Variants in RFX3 observed in about 807,000 individuals in gnomAD.
RFX3 encodes the protein regulatory factor X3, also known as transcription factor RFX3.
A neutral mutation model predicts 98.6 loss-of-function variants in RFX3; 14 were observed. The ratio of observed to expected loss-of-function variants is 0.14; its 90% CI spans 0.09 to 0.22. The LOEUF (loss-of-function observed/expected upper bound fraction) is 0.22, where lower values mean the gene tolerates loss of function less well. RFX3 is among the 10% of genes least tolerant of loss of function. The pLI, the probability that RFX3 is intolerant of heterozygous loss-of-function variation, is 1.00. For synonymous variants in RFX3, 383 were observed against 328.4 expected, an observed-to-expected ratio of 1.17 and a Z score of -1.80; for missense variants, 639 against 926.9, an observed-to-expected ratio of 0.69 and a Z score of 4.03.
intron 1 of RFX3, among the ~76,000 whole-genome samples, chr9:3,436,944 ATT>A (rs199537724): frequency 0.01 from 1,535 of 151,330 alleles, 5 homozygotes; most frequent in Middle Eastern, 0.031. Context: ...CTTCCTATTA[ATT>A]TTTTTAAAAA....
intron 13 of RFX3, among the ~76,000 whole-genome samples, chr9:3,261,335 T>G (rs1822864417): frequency 6.6e-6 from 1 of 152,094 alleles, no homozygotes. Flanking sequence ...TAACTACCAA[T>G]CTACCTTCTG....
chr9:3,345,933 T>C (rs1834399068), intron 3 of RFX3, among the ~76,000 whole-genome samples: 1 of 152,108 alleles, frequency 6.6e-6, no homozygotes, highest in Non-Finnish European at 1.5e-5. Flanking sequence ...CCAACACTGA[T>C]GGGAGGTGGG....
At chr9:3,504,717 A>G (rs189813884) in intron 1 of RFX3, among the ~76,000 whole-genome samples, 3 of 113,814 alleles carry the variant, frequency 2.6e-5, no homozygotes, top group Admixed American at 1.2e-4. Flanking sequence ...TTGTATATAA[A>G]ATATATATTA....
At chr9:3,519,711 T>C (rs1443380882) in intron 1 of RFX3, among the ~76,000 whole-genome samples, 3 of 152,162 alleles carry the variant, frequency 2.0e-5, no homozygotes, top group Non-Finnish European at 4.4e-5. Context: ...TATTCACCAG[T>C]ATACTTATTC....
chr9:3,454,876 T>C (rs557321948), intron 1 of RFX3, among the ~76,000 whole-genome samples: 1 of 152,298 alleles, frequency 6.6e-6, no homozygotes, highest in South Asian at 2.1e-4. Context: ...AATAACGTGA[T>C]TTACACAAGG....
At chr9:3,313,441 C>G (rs1586997466) in intron 4 of RFX3, among the ~76,000 whole-genome samples, 2 of 152,314 alleles carry the variant, frequency 1.3e-5, no homozygotes, top group African/African-American at 4.8e-5. Context: ...GCTGAAAATT[C>G]TAAAAATCAA....
intron 14 of RFX3, among the ~76,000 whole-genome samples, chr9:3,250,921 G>C (rs888423987): frequency 1.3e-5 from 2 of 152,002 alleles, no homozygotes; most frequent in Admixed American, 6.6e-5. Flanking sequence ...TATTAGCATT[G>C]AGATCACACA....
chr9:3,506,587 G>A lies in RFX3; in HGVS notation c.-9+19160C>T, dbSNP rs557729816. Among the ~76,000 whole-genome samples, 19 of 151,974 alleles carry A rather than the reference G, an allele frequency of 1.3e-4. No homozygotes were observed. The South Asian group carries it at 3.9e-3, about 32-fold the overall frequency. ...AGAAATAAGGTATAGAATCCTTAAA[G>A]GCATTCCCCAACTTCTGAAAGTAAG... On this transcript the variant is annotated intron_variant, in intron 1 of 16. Coordinates refer to ENST00000617270, the MANE Select transcript of RFX3 (RefSeq NM_001282116.2).
rs61209874 is a variant in RFX3 at position 3,423,778 on chromosome 9, C to CATATATATATATATATAT, written c.-8-28200_-8-28183dup. ...TTTCATTTTATGTATTATATATTTT[C>CATATATATATATATATAT]ATATATATATATATATATATATATA... On this transcript the variant is annotated intron_variant, in intron 1 of 16. Coordinates refer to ENST00000617270, the MANE Select transcript of RFX3 (RefSeq NM_001282116.2). Among the ~76,000 whole-genome samples the CATATATATATATATATAT allele has an allele frequency of 2.3e-4, 25 of 111,044 alleles. 1 individual carries two copies. The highest frequency in any genetic ancestry group is 1.2e-3 in the East Asian group (3 of 2,472). The allele number at this position is 111,044 out of a possible 152,430, so 72.8% of individuals were successfully genotyped here.
rs1227432142 is a variant in RFX3, at chr9:3,225,101, T to C, written c.2191A>G (p.Thr731Ala). The change falls in exon 17 of 17, where the codon ACA (threonine) becomes GCA (alanine). Residue 731 changes from threonine to alanine, a missense_variant. Coordinates refer to ENST00000617270, the MANE Select transcript of RFX3 (RefSeq NM_001282116.2). ...LNPIHSEHIVTSTQTIRQCSA... is the reference protein window; with the variant it reads ...LNPIHSEHIVASTQTIRQCSA... ...CACTGTCTGATAGTCTGAGTACTTGTGACAATGTGCTCGCTGTGAATTGGA... is the reference window on the plus strand; with the variant it reads ...CACTGTCTGATAGTCTGAGTACTTGCGACAATGTGCTCGCTGTGAATTGGA... 11 of 1,613,892 alleles carry C rather than the reference T, an allele frequency of 6.8e-6. No individual in the cohort carries two copies. The highest frequency in any genetic ancestry group is 8.5e-6 in the Non-Finnish European group (10 of 1,179,946).
intron 3 of RFX3, among the ~76,000 whole-genome samples, chr9:3,340,134 C>G (rs1008250047): frequency 3.9e-5 from 6 of 152,060 alleles, no homozygotes; most frequent in Non-Finnish European, 8.8e-5. Flanking sequence ...ACAAACCTGG[C>G]AAAAACAAGC....
At chr9:3,291,638 G>C (rs1046302395) in intron 6 of RFX3, among the ~76,000 whole-genome samples, 1 of 151,990 alleles carries the variant, frequency 6.6e-6, no homozygotes, top group African/African-American at 2.4e-5. Flanking sequence ...AAACAAATTT[G>C]TATCCTTTTC....
intron 1 of RFX3, among the ~76,000 whole-genome samples, chr9:3,410,290 C>G (rs1160926447): frequency 6.6e-6 from 1 of 150,888 alleles, no homozygotes; most frequent in Non-Finnish European, 1.5e-5. Context: ...TTTTCTCTAT[C>G]TACCAAAATA....
At position 3,486,470 on chromosome 9, in the gene RFX3, C is replaced by A. The variant is rs185263030; in HGVS notation, c.-9+39277G>T. Among the ~76,000 whole-genome samples the A allele has an allele frequency of 7.6e-4, 115 of 152,262 alleles. 1 individual carries two copies. The highest frequency in any genetic ancestry group is 2.6e-3 in the Admixed American group (40 of 15,294). On this transcript the variant is annotated intron_variant, in intron 1 of 16. Coordinates refer to ENST00000617270, the MANE Select transcript of RFX3 (RefSeq NM_001282116.2). ...CCTCCTTTCCTATACAAAATAGTTT[C>A]CATGGCTCCAATCTTTTCTCACTGC...
intron 6 of RFX3, 25 bp downstream of exon 6, chr9:3,293,052 T>G (rs759171601): frequency 1.3e-6 from 2 of 1,565,596 alleles, no homozygotes; most frequent in African/African-American, 1.4e-5. Flanking sequence ...GAGATTAGTT[T>G]ATGATCTTAT....
At chr9:3,471,813 A>C (rs1848803485) in intron 1 of RFX3, among the ~76,000 whole-genome samples, 1 of 152,244 alleles carries the variant, frequency 6.6e-6, no homozygotes, top group African/African-American at 2.4e-5. Flanking sequence ...AACAGACAGC[A>C]GTACTGCCTA....
At chr9:3,524,732 C>T in intron 1 of RFX3, 1 of 427,006 alleles carries the variant, frequency 2.3e-6, no homozygotes. Flanking sequence ...CGGAACCTCA[C>T]TACTCCCCCT....
intron 12 of RFX3, among the ~76,000 whole-genome samples, chr9:3,264,785 A>AT (rs1262181305): frequency 7.9e-5 from 12 of 152,282 alleles, no homozygotes; most frequent in African/African-American, 2.9e-4. Context: ...AAAAGACTGC[A>AT]TATCAGTGAA....
At chr9:3,306,710 C>T (rs991031282) in intron 4 of RFX3, among the ~76,000 whole-genome samples, 3 of 151,390 alleles carry the variant, frequency 2.0e-5, no homozygotes, top group East Asian at 1.9e-4. Context: ...TGTAACAAAC[C>T]TGCAGGTTGT....
Sources: gnomAD v4.1 joint callset for allele counts (sites outside exome capture counted in the v4.1 genomes callset) on GRCh38, gnomAD v4.1.1 for gene constraint, MANE v1.5 for transcripts, NCBI Gene and HGNC (gene_info 2026-07-23, HGNC 2026-07-21) for gene names.